The following ZFAT variants were observed in gnomAD, a reference collection of about 807,000 sequenced individuals.
ZFAT encodes zinc finger and AT-hook domain containing.
In ZFAT, 64 loss-of-function variants were observed where a neutral mutation model predicts 117.7. That is an observed-to-expected ratio of 0.54 (90% confidence interval 0.44 to 0.67). The LOEUF is 0.67. ZFAT is among the 30% of genes least tolerant of loss of function. ZFAT has a pLI of 0.00. For missense variants in ZFAT, 1,433 were observed against 1,584.5 expected (o/e 0.90, Z 1.62); for synonymous variants, 679 against 615.0 (o/e 1.10, Z -1.54).
At chr8:134,557,391 G>T (rs1823725691) in intron 11 of ZFAT, among the ~76,000 whole-genome samples, 1 of 152,136 alleles carries the variant, frequency 6.6e-6, no homozygotes, top group South Asian at 2.1e-4. Flanking sequence ...GTATCCTAAT[G>T]GGATCCTGAA....
the ZFAT span, chr8:134,793,118 T>C: frequency 6.6e-6 from 1 of 152,144 alleles, no homozygotes; most frequent in Non-Finnish European, 1.5e-5. Context: ...GGACCCTGCT[T>C]AAAACATAAG....
At chr8:134,701,411 C>T (rs1834004847) in intron 1 of ZFAT, among the ~76,000 whole-genome samples, 1 of 152,166 alleles carries the variant, frequency 6.6e-6, no homozygotes, top group East Asian at 1.9e-4. Flanking sequence ...TTTGCTTAGC[C>T]TTTCATCCCT....
At chr8:134,550,973 C>T (rs1395565173) in intron 11 of ZFAT, among the ~76,000 whole-genome samples, 2 of 152,172 alleles carry the variant, frequency 1.3e-5, no homozygotes, top group African/African-American at 2.4e-5. Context: ...TACTTCTTTC[C>T]CTCTGCCCCT....
intron 1 of ZFAT, among the ~76,000 whole-genome samples, chr8:134,681,185 G>A (rs1469836412): frequency 6.6e-6 from 1 of 152,188 alleles, no homozygotes; most frequent in African/African-American, 2.4e-5. Flanking sequence ...AGGGAAGTTT[G>A]GGATCTGAAA....
intron 1 of ZFAT, among the ~76,000 whole-genome samples, chr8:134,711,116 T>C (rs1270563233): frequency 6.6e-6 from 1 of 152,198 alleles, no homozygotes; most frequent in Non-Finnish European, 1.5e-5. Context: ...TTTACAGTTG[T>C]GCAACTGTTG....
At chr8:134,569,965 C>T (rs1824770264) in intron 10 of ZFAT, among the ~76,000 whole-genome samples, 1 of 152,216 alleles carries the variant, frequency 6.6e-6, no homozygotes, top group Non-Finnish European at 1.5e-5. Context: ...CTTCCCAGCA[C>T]CCTATCTGGC....
intron 3 of ZFAT, among the ~76,000 whole-genome samples, chr8:134,635,166 C>T (rs1173397618): frequency 6.6e-6 from 1 of 152,152 alleles, no homozygotes; most frequent in Non-Finnish European, 1.5e-5. Flanking sequence ...TTGGGGACCC[C>T]TGTTTTAGAG....
At chr8:134,769,270 T>G in the ZFAT span, among the ~76,000 whole-genome samples, 2 of 152,126 alleles carry the variant, frequency 1.3e-5, no homozygotes, top group South Asian at 4.1e-4. Context: ...AAAATCAAGT[T>G]AGTTACTTCC....
intron 6 of ZFAT, among the ~76,000 whole-genome samples, chr8:134,600,899 G>A (rs1827382540): frequency 6.6e-6 from 1 of 152,126 alleles, no homozygotes; most frequent in South Asian, 2.1e-4. Flanking sequence ...CCAGAGAGGA[G>A]GAAGCCAGTG....
chr8:134,640,982 A>G (rs932033640), intron 2 of ZFAT, among the ~76,000 whole-genome samples: 6 of 152,106 alleles, frequency 3.9e-5, no homozygotes, highest in East Asian at 1.9e-4. Context: ...ACTAAACTCT[A>G]TGGACTTTGC....
At chr8:134,528,320 T>C (rs966271388) in intron 12 of ZFAT, among the ~76,000 whole-genome samples, 46 of 152,204 alleles carry the variant, frequency 3.0e-4, no homozygotes, top group African/African-American at 1.0e-3. Context: ...AATTAACACA[T>C]AAAATAACAA....
At chr8:134,537,676 G>A (rs75153653) in intron 11 of ZFAT, among the ~76,000 whole-genome samples, 1,744 of 152,238 alleles carry the variant, frequency 0.011, 34 homozygotes, top group African/African-American at 0.039. Context: ...GAAGTTAAAT[G>A]GAAAAATGGA....
intron 6 of ZFAT, 40 bp downstream of exon 6, chr8:134,601,437 G>T: frequency 2.6e-6 from 4 of 1,562,448 alleles, no homozygotes; most frequent in Non-Finnish European, 3.5e-6. Flanking sequence ...CAGCATGATG[G>T]TTGTGGACAG....
intron 15 of ZFAT, among the ~76,000 whole-genome samples, chr8:134,487,823 G>A (rs915440878): frequency 1.3e-5 from 2 of 152,242 alleles, no homozygotes; most frequent in Non-Finnish European, 2.9e-5. Flanking sequence ...ATCCCAGCTA[G>A]CACTTCATGC....
Position 134,657,623 on chromosome 8 carries a change from A to C in ZFAT, c.134T>G (p.Ile45Ser). ...ACTCAGAGGCCTAAGGGGAATAATA[A>C]TCTCATCAACATTAACCCCTTCTTC... Reference protein sequence around the residue: ...HMEEGVNVDEIIIPLRPLSTP... With the variant: ...HMEEGVNVDESIIPLRPLSTP... Residue 45 changes from isoleucine (I) to serine (S), a missense_variant, in exon 2 of 16, where the codon ATT (isoleucine) becomes AGT (serine). By Grantham distance (142) the Ile-to-Ser change is moderately radical. Around this residue, in one of 5 missense-constraint regions of ZFAT, gnomAD observed 436 missense variants for 482.0 expected, o/e 0.90. Coordinates refer to ENST00000377838, the MANE Select transcript of ZFAT (RefSeq NM_020863.4). 6.2e-7 allele frequency: 1 copy of C among 1,614,096 alleles called. No individual in the cohort carries two copies.
chr8:134,636,655 G>T (rs922286459), intron 3 of ZFAT, among the ~76,000 whole-genome samples: 6 of 152,086 alleles, frequency 3.9e-5, no homozygotes, highest in African/African-American at 7.2e-5. Context: ...TTAAACATGG[G>T]GTACAGTTTG....
At chr8:134,730,329 T>C in the ZFAT span, among the ~76,000 whole-genome samples, 1 of 152,232 alleles carries the variant, frequency 6.6e-6, no homozygotes. Flanking sequence ...ACATCTCCCA[T>C]GACTCTCGCC....
chr8:134,478,817 G>T lies in ZFAT; in HGVS notation c.3493-96C>A. The T allele has an allele frequency of 6.8e-7, 1 of 1,468,570 alleles. No homozygotes were observed. Among genetic ancestry groups the T allele is most frequent in the Non-Finnish European group, 9.1e-7 (1 of 1,101,792 alleles). The allele number at this position is 1,468,570 out of a possible 1,614,324, so 91.0% of individuals were successfully genotyped here. On this transcript the variant is annotated intron_variant, in intron 15 of 15. Coordinates refer to ENST00000377838, the MANE Select transcript of ZFAT (RefSeq NM_020863.4). This position sits in a 1 kb window ranked among gnomAD's most constrained non-coding sequence, Gnocchi z 5.2. ...ACTACAGTTTAGGAGGCACCAGTGC[G>T]CTGCGGGAGCACGTCCATTCTCCAC...
intron 1 of ZFAT, among the ~76,000 whole-genome samples, chr8:134,661,193 G>A (rs577043883): frequency 4.3e-4 from 66 of 152,348 alleles, no homozygotes; most frequent in Middle Eastern, 6.8e-3. Context: ...CAGGAAGGGC[G>A]CGTGGGCAGG....
Sources: gnomAD v4.1 joint callset for allele counts (sites outside exome capture counted in the v4.1 genomes callset) on GRCh38, gnomAD v4.1.1 for gene constraint, gnomAD v4.1.1 regional missense constraint, Gnocchi (gnomAD v3.1) non-coding constraint, MANE v1.5 for transcripts, NCBI Gene and HGNC (gene_info 2026-07-23, HGNC 2026-07-21) for gene names.